The following SI variants were observed in gnomAD, a reference collection of about 807,000 sequenced individuals.
The protein encoded by SI is sucrase-isomaltase, intestinal.
In SI, 235 loss-of-function variants were observed where a neutral mutation model predicts 253.3. That is an observed-to-expected ratio of 0.93 (90% CI 0.83 to 1.03). The LOEUF (loss-of-function observed/expected upper bound fraction) is 1.03, where lower values mean the gene tolerates loss of function less well. Among genes scored for constraint, SI ranks in the 50% least tolerant of loss-of-function variants. SI has a pLI of 0.00. For synonymous variants in SI, 819 were observed against 712.0 expected (o/e 1.15, Z -2.39); for missense variants, 2,442 against 2,211.1 (o/e 1.10, Z -2.09).
At chr3:165,066,397 T>C (rs994752671) in intron 6 of SI, among the ~76,000 whole-genome samples, 3 of 151,952 alleles carry the variant, frequency 2.0e-5, no homozygotes, top group Non-Finnish European at 4.4e-5. Flanking sequence ...TATTTGATGA[T>C]AAAACTAATT....
intron 40 of SI, among the ~76,000 whole-genome samples, chr3:164,995,001 T>C (rs1161642813): frequency 6.6e-6 from 1 of 151,716 alleles, no homozygotes; most frequent in African/African-American, 2.4e-5. Flanking sequence ...AGATTAAAAG[T>C]CTACAAAAAA....
intron 13 of SI, among the ~76,000 whole-genome samples, chr3:165,053,792 A>C (rs1268920690): frequency 6.6e-6 from 1 of 152,116 alleles, no homozygotes; most frequent in African/African-American, 2.4e-5. Context: ...CCGTAATCAA[A>C]GTGGCTCCTA....
chr3:165,040,183 G>A (rs1304346213), intron 18 of SI, among the ~76,000 whole-genome samples: 2 of 151,298 alleles, frequency 1.3e-5, no homozygotes, highest in Non-Finnish European at 3.0e-5. Context: ...AGGAAGAAGG[G>A]GGGAGTAGAA....
At chr3:165,071,848 T>G (rs1446566331) in intron 3 of SI, among the ~76,000 whole-genome samples, 1 of 152,136 alleles carries the variant, frequency 6.6e-6, no homozygotes, top group Admixed American at 6.6e-5. Flanking sequence ...CACCTTGATC[T>G]TGGACATCTA....
chr3:164,983,248 G>T (rs762598646), intron 45 of SI, among the ~76,000 whole-genome samples, 197 bp from the exon 46 acceptor site: 4 of 152,136 alleles, frequency 2.6e-5, no homozygotes, highest in African/African-American at 9.6e-5. Context: ...GAGTCACCAG[G>T]TAAGGTCCTA....
chr3:165,089,666 C>T, the SI span, among the ~76,000 whole-genome samples: 1 of 152,042 alleles, frequency 6.6e-6, no homozygotes, highest in Admixed American at 6.6e-5. Flanking sequence ...GAATCAGCAC[C>T]GCTTAGCTGG....
upstream of SI, among the ~76,000 whole-genome samples, chr3:165,083,335 TA>T (rs977694089): frequency 6.6e-6 from 1 of 151,678 alleles, no homozygotes; most frequent in Admixed American, 6.6e-5. Context: ...CATTTTTTTT[TA>T]AAAAAAGAAA....
chr3:165,043,169 C>T lies in SI; in HGVS notation c.1894G>A (p.Ala632Thr). ...FSLFGIPLVG[A>T]DICGFVAETT... The stretch of plus-strand genomic sequence containing the variant: ...TCAGCCACAAATCCACAGATGTCTG[C>T]TCCAACCTAAATAACAAATATATTT... The change falls in exon 17 of 48, where the codon GCA becomes ACA. Residue 632 changes from alanine (A) to threonine (T), a missense_variant. Physicochemically the swap from Ala to Thr is moderately conservative, Grantham distance 58. Transcript: ENST00000264382. 6.2e-7 allele frequency: 1 copy of T among 1,602,646 alleles called. No homozygotes were observed. Among genetic ancestry groups the T allele is most frequent in the Non-Finnish European group, 8.5e-7 (1 of 1,170,574 alleles).
At position 165,065,365 on chromosome 3, in the gene SI, T is replaced by C. The variant is rs1389566369; in HGVS notation, c.703A>G (p.Ser235Gly). 6 of 1,594,474 alleles carry C rather than the reference T, an allele frequency of 3.8e-6. No individual in the cohort carries two copies. In the Admixed American group the frequency reaches 5.0e-5, roughly 13 times the overall value. ...TCTCCAATACCATAAATATAATCAC[T>C]TGGAAGACGGGTTGAGATCTGTAAG... ...QYLQISTRLP[S>G]DYIYGIGEQV... The change falls in exon 7 of 48, where the codon AGT (serine) becomes GGT (glycine). Residue 235 changes from serine (S) to glycine (G), a missense_variant. Ser to Gly is a moderately conservative substitution (Grantham distance 56). Transcript: ENST00000264382.
At chr3:165,019,819 T>C (rs563383217) in intron 27 of SI, 49 bp from the exon 28 acceptor site, 8 of 1,464,248 alleles carry the variant, frequency 5.5e-6, no homozygotes, top group East Asian at 4.5e-5. Flanking sequence ...ATATGCAAAG[T>C]AGTATCACAA....
At chr3:165,051,712 CACTCATCTAT>C (rs1255198657) in intron 13 of SI, among the ~76,000 whole-genome samples, 1 of 151,936 alleles carries the variant, frequency 6.6e-6, no homozygotes, top group Non-Finnish European at 1.5e-5. Flanking sequence ...AAGGGTAAAA[CACTCATCTAT>C]GATATTAATA....
rs138054970 is a variant in SI, at chr3:164,987,163, C to G, written c.5172G>C (p.Leu1724=). The G allele has an allele frequency of 1.9e-6, 3 of 1,613,552 alleles. No individual in the cohort carries two copies. Among genetic ancestry groups the G allele is most frequent in the East Asian group, 2.2e-5 (1 of 44,816 alleles). ...CTATACTCTCTCCATCATCCCAAAACAGAGAACCCTGTGCCATCTGATTAT... is the reference window on the plus strand; with the variant it reads ...CTATACTCTCTCCATCATCCCAAAAGAGAGAACCCTGTGCCATCTGATTAT... ...ADDNQMAQGS[L]FWDDGESIDT... Residue 1724 remains leucine, a synonymous_variant, in exon 45 of 48, where the codon CTG becomes CTC. Transcript: ENST00000264382.
At chr3:165,035,510 A>G (rs1183902708) in intron 22 of SI, among the ~76,000 whole-genome samples, 2 of 151,646 alleles carry the variant, frequency 1.3e-5, no homozygotes, top group Non-Finnish European at 2.9e-5. Flanking sequence ...TAATTTTTAA[A>G]TATACACATT....
intron 13 of SI, among the ~76,000 whole-genome samples, chr3:165,051,828 A>G (rs1164102872): frequency 6.6e-6 from 1 of 150,998 alleles, no homozygotes; most frequent in East Asian, 1.9e-4. Context: ...TTTAAGGATG[A>G]AAATTTTTTT....
intron 34 of SI, among the ~76,000 whole-genome samples, chr3:165,012,439 G>GT (rs1031613016): frequency 1.3e-5 from 2 of 151,738 alleles, no homozygotes; most frequent in Non-Finnish European, 2.9e-5. Context: ...GTTTTGTTTT[G>GT]TTTTTTTGAG....
intron 31 of SI, among the ~76,000 whole-genome samples, chr3:165,017,324 T>C (rs538103848): frequency 1.3e-5 from 2 of 151,896 alleles, no homozygotes; most frequent in African/African-American, 4.8e-5. Context: ...CAACACAGCA[T>C]GATAGTATTA....
intron 21 of SI, among the ~76,000 whole-genome samples, chr3:165,037,610 T>C (rs1267253681): frequency 2.0e-5 from 3 of 151,942 alleles, no homozygotes; most frequent in Non-Finnish European, 4.4e-5. Context: ...TCACATTTTG[T>C]ATAGTTATTA....
At chr3:164,993,360 T>A (rs1254928837) in intron 41 of SI, among the ~76,000 whole-genome samples, 1 of 150,728 alleles carries the variant, frequency 6.6e-6, no homozygotes, top group Non-Finnish European at 1.5e-5. Flanking sequence ...ATAATTTGAA[T>A]CCAGAAAGAA....
chr3:164,997,466 GT>G (rs1453177113), intron 38 of SI, among the ~76,000 whole-genome samples: 1 of 149,020 alleles, frequency 6.7e-6, no homozygotes, highest in Non-Finnish European at 1.5e-5. Flanking sequence ...GCATCTATCA[GT>G]GATTTATATT....
Sources: allele counts gnomAD v4.1 joint callset (sites outside exome capture counted in the v4.1 genomes callset), GRCh38; gene constraint gnomAD v4.1.1; transcripts MANE v1.5; gene names NCBI Gene and HGNC (gene_info 2026-07-23, HGNC 2026-07-21).